The following MAD1L1 variants were observed in gnomAD, a reference collection of about 807,000 sequenced individuals.
The protein encoded by MAD1L1 is mitotic arrest deficient 1 like 1.
MAD1L1 carries 95 observed loss-of-function variants against 96.9 expected under a neutral mutation model. The observed-to-expected ratio is 0.98, with a 90% confidence interval of 0.83 to 1.16. MAD1L1 has a LOEUF of 1.16. Ranked by LOEUF, MAD1L1 falls within the 50% of genes most tolerant of loss-of-function variation. MAD1L1 has a pLI of 0.00. For missense variants in MAD1L1, 1,007 were observed against 954.4 expected, an observed-to-expected ratio of 1.06 and a Z score of -0.73; for synonymous variants, 473 against 396.6, an observed-to-expected ratio of 1.19 and a Z score of -2.29.
intron 18 of MAD1L1, chr7:1,817,132 C>G (rs1311248067): frequency 6.6e-6 from 1 of 152,236 alleles, no homozygotes; most frequent in Non-Finnish European, 1.5e-5. Context: ...AAACGTGAAC[C>G]GCAACTGAGC....
intron 16 of MAD1L1, among the ~76,000 whole-genome samples, chr7:1,947,205 G>A (rs1324291911): frequency 6.6e-6 from 1 of 152,182 alleles, no homozygotes; most frequent in Non-Finnish European, 1.5e-5. Context: ...GCTGCCCCGG[G>A]CAAAGGAAAT....
chr7:2,167,498 G>A (rs1376204393), intron 10 of MAD1L1, among the ~76,000 whole-genome samples: 2 of 151,986 alleles, frequency 1.3e-5, no homozygotes, highest in Non-Finnish European at 2.9e-5. Flanking sequence ...GCAGTGAGCC[G>A]AGATCACGCC....
At chr7:1,817,043 A>G (rs1345249031) in intron 18 of MAD1L1, 1 of 152,306 alleles carries the variant, frequency 6.6e-6, no homozygotes, top group Non-Finnish European at 1.5e-5. Context: ...AGCCAATTAA[A>G]CAAGGGGCCC....
At chr7:2,211,913 C>T (rs531775498) in intron 10 of MAD1L1, among the ~76,000 whole-genome samples, 104 of 152,296 alleles carry the variant, frequency 6.8e-4, no homozygotes, top group African/African-American at 2.4e-3. Flanking sequence ...AGGCAAGAAG[C>T]GGGAAGCCTT....
In MAD1L1 at chr7:2,138,061, G is replaced by A. The variant is rs1188173963; in HGVS notation, c.1073+11091C>T. ...CAGCCCATGATCAGAGCACAGAGCT[G>A]TGAGTCCCAGGCCCTTCACCAGGGC... On this transcript the variant is annotated intron_variant, in intron 11 of 18. Coordinates refer to ENST00000265854, the MANE Select transcript of MAD1L1 (RefSeq NM_001013836.2). Among the ~76,000 whole-genome samples the A allele has an allele frequency of 2.6e-5, 4 of 152,368 alleles. No homozygotes were observed. In the East Asian group the frequency reaches 7.7e-4, roughly 29 times the overall value.
intron 17 of MAD1L1, among the ~76,000 whole-genome samples, chr7:1,926,501 G>C (rs998723562): frequency 7.7e-6 from 1 of 130,276 alleles, no homozygotes; most frequent in Non-Finnish European, 1.6e-5. Flanking sequence ...TCAGCAACAT[G>C]TAAAAATACT....
chr7:1,964,450 C>T (rs1031859544), intron 15 of MAD1L1, among the ~76,000 whole-genome samples: 9 of 152,304 alleles, frequency 5.9e-5, no homozygotes, highest in African/African-American at 1.7e-4. Context: ...CGAAGGGGTG[C>T]GCTTTCTTCT....
intron 13 of MAD1L1, among the ~76,000 whole-genome samples, chr7:2,014,273 C>T (rs1296808966): frequency 6.6e-6 from 1 of 152,192 alleles, no homozygotes; most frequent in East Asian, 1.9e-4. Flanking sequence ...AGGCTGGGAC[C>T]ACCTGAGACA....
At chr7:2,115,975 G>A (rs1204766274) in intron 11 of MAD1L1, among the ~76,000 whole-genome samples, 3 of 145,918 alleles carry the variant, frequency 2.1e-5, no homozygotes, top group African/African-American at 4.9e-5. Context: ...TGCCGGAGAC[G>A]GTGGAGGGGG....
At chr7:2,053,299 G>A (rs775474599) in intron 12 of MAD1L1, among the ~76,000 whole-genome samples, 2 of 152,270 alleles carry the variant, frequency 1.3e-5, no homozygotes, top group East Asian at 1.9e-4. Flanking sequence ...AGAGTCCTCC[G>A]GGCGGGGGCA....
chr7:1,925,255 C>T (rs146759931), intron 17 of MAD1L1, among the ~76,000 whole-genome samples: 7 of 152,148 alleles, frequency 4.6e-5, no homozygotes, highest in Non-Finnish European at 1.0e-4. Flanking sequence ...GTAGAAAGTG[C>T]GTTCCCTCAA....
Position 2,230,004 on chromosome 7 carries a change from G to GC in MAD1L1, c.129dup (p.Gln44AlafsTer56). On this transcript the variant is annotated frameshift_variant, in exon 3 of 19. Coordinates refer to ENST00000265854, the MANE Select transcript of MAD1L1 (RefSeq NM_001013836.2). LOFTEE classifies it high-confidence loss of function. ...CTCACCTGCATGCTCTGCTGGTACT[G>GC]CATCTGCAGAGAACCTGGGGCCGAG... 1 of 1,613,162 alleles carries GC rather than the reference G, an allele frequency of 6.2e-7. No individual in the cohort carries two copies. The highest frequency in any genetic ancestry group is 1.1e-5 in the South Asian group (1 of 91,030).
intron 12 of MAD1L1, among the ~76,000 whole-genome samples, chr7:2,062,634 G>A (rs1202339176): frequency 4.6e-5 from 7 of 152,182 alleles, no homozygotes; most frequent in Admixed American, 2.0e-4. Flanking sequence ...CTGAGGGAGC[G>A]GCTGGAACCA....
intron 18 of MAD1L1, among the ~76,000 whole-genome samples, chr7:1,832,633 C>T (rs974609624): frequency 2.0e-3 from 4 of 2,012 alleles, no homozygotes; most frequent in African/African-American, 2.5e-3. Context: ...TTTTTTTTGG[C>T]GGGGGGGGGG....
chr7:2,167,640 G>A (rs1584471320), intron 10 of MAD1L1, among the ~76,000 whole-genome samples: 1 of 152,174 alleles, frequency 6.6e-6, no homozygotes, highest in Middle Eastern at 3.4e-3. Context: ...TGAGGTGGGA[G>A]GACCACTTGA....
chr7:2,096,713 A>G (rs1451960547), intron 11 of MAD1L1, among the ~76,000 whole-genome samples: 2 of 152,100 alleles, frequency 1.3e-5, no homozygotes, highest in South Asian at 4.1e-4. Context: ...TCTCAGGCAA[A>G]CTCGTCAACT....
intron 14 of MAD1L1, among the ~76,000 whole-genome samples, chr7:1,983,093 C>G (rs28573105): frequency 0.047 from 7,135 of 151,208 alleles, 575 homozygotes; most frequent in African/African-American, 0.16. Context: ...CGCGTGCATG[C>G]ACACACACAC....
At chr7:2,171,358 G>A (rs1202349372) in intron 10 of MAD1L1, among the ~76,000 whole-genome samples, 2 of 152,212 alleles carry the variant, frequency 1.3e-5, no homozygotes, top group Non-Finnish European at 2.9e-5. Context: ...TGTGGTGCTG[G>A]AGCCACAGCA....
At position 1,945,011 on chromosome 7, in the gene MAD1L1, C is replaced by T. The variant is rs537748908; in HGVS notation, c.1597-8114G>A. Among the ~76,000 whole-genome samples, 8 of 152,314 alleles carry T rather than the reference C, an allele frequency of 5.3e-5. No individual in the cohort carries two copies. In the East Asian group the frequency reaches 1.5e-3, roughly 29 times the overall value. ...AGCAGAGGGAGACGGGTACGGGCAG[C>T]CCCTCACCTGGGCCGTCGGCCACTG... On this transcript the variant is annotated intron_variant, in intron 16 of 18. Transcript: ENST00000265854.
Sources: gnomAD v4.1 joint callset for allele counts (sites outside exome capture counted in the v4.1 genomes callset) on GRCh38, gnomAD v4.1.1 for gene constraint, MANE v1.5 for transcripts, NCBI Gene and HGNC (gene_info 2026-07-23, HGNC 2026-07-21) for gene names.